Variants in SCD5 observed in about 807,000 individuals in gnomAD.
SCD5 encodes acyl-CoA-desaturase 4.
SCD5 carries 20 observed loss-of-function variants against 30.4 expected under a neutral mutation model. The observed-to-expected ratio is 0.66, with a 90% confidence interval of 0.46 to 0.96. SCD5 has a LOEUF of 0.96. Ranked by LOEUF, SCD5 falls within the 40% of genes least tolerant of loss-of-function variation. SCD5 has a pLI of 0.00. For missense variants in SCD5, 381 were observed against 443.3 expected (o/e 0.86, Z 1.26); for synonymous variants, 173 against 176.4 (o/e 0.98, Z 0.16).
At chr4:82,707,953 C>T (rs773511726) in intron 1 of SCD5, among the ~76,000 whole-genome samples, 13 of 152,108 alleles carry the variant, frequency 8.5e-5, no homozygotes, top group Non-Finnish European at 1.8e-4. Context: ...TGTTATGCAA[C>T]AATAGATAAC....
intron 2 of SCD5, among the ~76,000 whole-genome samples, chr4:82,683,578 G>A (rs1194280456): frequency 6.6e-6 from 1 of 152,118 alleles, no homozygotes; most frequent in Non-Finnish European, 1.5e-5. Context: ...ATCTTTTATG[G>A]AAAACTTTCT....
intron 2 of SCD5, among the ~76,000 whole-genome samples, chr4:82,699,302 T>C (rs563816779): frequency 9.9e-5 from 15 of 152,220 alleles, no homozygotes; most frequent in Non-Finnish European, 2.1e-4. Context: ...CCGAATGTCC[T>C]TGGATAGGTT....
intron 2 of SCD5, among the ~76,000 whole-genome samples, chr4:82,691,372 G>T (rs1447228216): frequency 2.0e-5 from 3 of 152,160 alleles, no homozygotes; most frequent in African/African-American, 7.2e-5. Context: ...AGAGGAGTTG[G>T]AGGTGGAAGT....
intron 1 of SCD5, among the ~76,000 whole-genome samples, chr4:82,742,593 C>A (rs10050121): frequency 0.45 from 67,994 of 152,054 alleles, 17,372 homozygotes; most frequent in South Asian, 0.59. Flanking sequence ...TCAAGACCAG[C>A]CTGGCCAACA....
At chr4:82,738,733 T>C (rs1276452174) in intron 1 of SCD5, among the ~76,000 whole-genome samples, 1 of 152,242 alleles carries the variant, frequency 6.6e-6, no homozygotes, top group African/African-American at 2.4e-5. Flanking sequence ...TCCACTGTAG[T>C]AGATACAACT....
chr4:82,739,335 G>A (rs188898336), intron 1 of SCD5, among the ~76,000 whole-genome samples: 3 of 152,304 alleles, frequency 2.0e-5, no homozygotes, highest in Non-Finnish European at 2.9e-5. Context: ...CTCAACTCTC[G>A]GGATCATGGG....
At chr4:82,796,326 G>A (rs1014801359) in intron 1 of SCD5, among the ~76,000 whole-genome samples, 1 of 151,944 alleles carries the variant, frequency 6.6e-6, no homozygotes, top group Non-Finnish European at 1.5e-5. Flanking sequence ...AATTTATCCA[G>A]GAAGGTATGG....
At chr4:82,686,208 G>A (rs568573178) in intron 2 of SCD5, among the ~76,000 whole-genome samples, 1 of 152,186 alleles carries the variant, frequency 6.6e-6, no homozygotes, top group Non-Finnish European at 1.5e-5. Context: ...GTCTCACTAT[G>A]TTACCCAGGC....
At chr4:82,635,779 G>A (rs1362535624) in intron 4 of SCD5, among the ~76,000 whole-genome samples, 1 of 152,122 alleles carries the variant, frequency 6.6e-6, no homozygotes, top group Non-Finnish European at 1.5e-5. Flanking sequence ...GCAGAAGAAC[G>A]AGTGACTTGC....
intron 3 of SCD5, among the ~76,000 whole-genome samples, chr4:82,677,803 T>C (rs1209322060): frequency 6.6e-6 from 1 of 152,136 alleles, no homozygotes; most frequent in African/African-American, 2.4e-5. Flanking sequence ...TTCCTCTATC[T>C]ACGTTTTACT....
At chr4:82,711,579 G>A (rs1250926626) in intron 1 of SCD5, among the ~76,000 whole-genome samples, 2 of 152,132 alleles carry the variant, frequency 1.3e-5, no homozygotes, top group East Asian at 1.9e-4. Flanking sequence ...GGTAGCACGT[G>A]CCTGTAGTTC....
At chr4:82,760,848 C>T (rs1284404388) in intron 1 of SCD5, among the ~76,000 whole-genome samples, 1 of 152,242 alleles carries the variant, frequency 6.6e-6, no homozygotes, top group Non-Finnish European at 1.5e-5. Flanking sequence ...AGACCGTCAG[C>T]TTCCCAAGGA....
At chr4:82,725,029 A>G (rs1327172351) in intron 1 of SCD5, among the ~76,000 whole-genome samples, 1 of 152,246 alleles carries the variant, frequency 6.6e-6, no homozygotes, top group Non-Finnish European at 1.5e-5. Context: ...AAGACCAACA[A>G]GGTTATCAAC....
intron 1 of SCD5, among the ~76,000 whole-genome samples, chr4:82,788,144 G>A (rs1014548670): frequency 6.6e-6 from 1 of 152,180 alleles, no homozygotes; most frequent in South Asian, 2.1e-4. Context: ...TATGAATAAG[G>A]AAGTGGGTCC....
intron 1 of SCD5, among the ~76,000 whole-genome samples, chr4:82,726,557 T>TA (rs1720473886): frequency 1.6e-5 from 2 of 126,606 alleles, no homozygotes; most frequent in East Asian, 2.3e-4. Flanking sequence ...AGAAAGCAGC[T>TA]GTTTTTTTTT....
intron 3 of SCD5, among the ~76,000 whole-genome samples, chr4:82,664,583 G>T (rs1358983442): frequency 1.3e-5 from 2 of 152,146 alleles, no homozygotes; most frequent in Non-Finnish European, 2.9e-5. Flanking sequence ...TGGAAAAGGT[G>T]AACATGCATG....
At chr4:82,762,617 C>T (rs1467804854) in intron 1 of SCD5, among the ~76,000 whole-genome samples, 3 of 152,100 alleles carry the variant, frequency 2.0e-5, no homozygotes, top group Non-Finnish European at 2.9e-5. Context: ...AGTACCTCCA[C>T]GTTAGATAAA....
At chr4:82,766,447 C>G (rs1721488086) in intron 1 of SCD5, among the ~76,000 whole-genome samples, 1 of 152,176 alleles carries the variant, frequency 6.6e-6, no homozygotes, top group Admixed American at 6.5e-5. Context: ...TCTTTTTCAA[C>G]AACTTCCATG....
At chr4:82,670,750 A>G (rs1338389707) in intron 3 of SCD5, among the ~76,000 whole-genome samples, 1 of 151,972 alleles carries the variant, frequency 6.6e-6, no homozygotes. Flanking sequence ...TTCCATGTCA[A>G]TTGATATGGC....
Sources: gnomAD v4.1 joint callset for allele counts (sites outside exome capture counted in the v4.1 genomes callset) on GRCh38, gnomAD v4.1.1 for gene constraint, MANE v1.5 for transcripts, NCBI Gene and HGNC (gene_info 2026-07-23, HGNC 2026-07-21) for gene names.